GAS2: variants seen among roughly 807,000 people sequenced by gnomAD.
GAS2 encodes growth arrest-specific protein 2.
A neutral mutation model predicts 37.5 loss-of-function variants in GAS2; 20 were observed. The observed-to-expected ratio is 0.53, with a 90% CI of 0.37 to 0.77. The LOEUF (loss-of-function observed/expected upper bound fraction) is 0.77, where lower values mean the gene tolerates loss of function less well. GAS2 is among the 30% of genes least tolerant of loss of function. The pLI, the probability that GAS2 is intolerant of heterozygous loss-of-function variation, is 0.00. For synonymous variants in GAS2, 144 were observed against 132.2 expected, an observed-to-expected ratio of 1.09 and a Z score of -0.61; for missense variants, 336 against 373.4, an observed-to-expected ratio of 0.90 and a Z score of 0.82.
chr11:22,809,646 C>T (rs991012241), intron 7 of GAS2, among the ~76,000 whole-genome samples: 2 of 148,736 alleles, frequency 1.3e-5, no homozygotes, highest in Admixed American at 1.3e-4. Context: ...TGCCACCATG[C>T]CCAGCTAATT....
chr11:22,745,908 A>T (rs988872285), intron 5 of GAS2, among the ~76,000 whole-genome samples: 1 of 152,096 alleles, frequency 6.6e-6, no homozygotes, highest in African/African-American at 2.4e-5. Flanking sequence ...AATGGCTGAC[A>T]CCTGTAATGC....
At chr11:22,781,687 T>C (rs1037517659) in intron 7 of GAS2, among the ~76,000 whole-genome samples, 5 of 152,170 alleles carry the variant, frequency 3.3e-5, no homozygotes, top group African/African-American at 1.2e-4. Context: ...ATAATGTGGG[T>C]AAACTCCCTG....
chr11:22,808,581 G>C (rs1485113001), intron 7 of GAS2, among the ~76,000 whole-genome samples: 1 of 152,214 alleles, frequency 6.6e-6, no homozygotes, highest in African/African-American at 2.4e-5. Context: ...TTCTGTCACT[G>C]CTTCCTAGAA....
chr11:22,678,087 A>C (rs1305111579), intron 2 of GAS2, among the ~76,000 whole-genome samples: 1 of 152,212 alleles, frequency 6.6e-6, no homozygotes, highest in Non-Finnish European at 1.5e-5. Flanking sequence ...AGATACAGTA[A>C]AGTTTGACCT....
intron 3 of GAS2, among the ~76,000 whole-genome samples, chr11:22,708,839 G>T (rs1851257502): frequency 6.6e-6 from 1 of 152,126 alleles, no homozygotes; most frequent in African/African-American, 2.4e-5. Flanking sequence ...AAACAGTGTG[G>T]ATTTTACCCA....
rs923551026 is a variant in GAS2, at chr11:22,638,333, T to C, written c.-21+12520T>C. ...TTCTCTACATTGGATCTAAGTTTTG[T>C]TGTTATTATTACAATTTTTTTTTTT... is the stretch of plus-strand genomic sequence containing the variant. On this transcript the variant is annotated intron_variant, in intron 1 of 5. Transcript: ENST00000528582. Among the ~76,000 whole-genome samples, 16 of 152,144 alleles carry C rather than the reference T, an allele frequency of 1.1e-4. No individual in the cohort carries two copies. In the South Asian group the frequency reaches 2.7e-3, roughly 26 times the overall value.
chr11:22,642,931 TCTCTTA>T (rs937078434), intron 1 of GAS2, among the ~76,000 whole-genome samples: 2 of 152,156 alleles, frequency 1.3e-5, no homozygotes, highest in South Asian at 2.1e-4. Flanking sequence ...AGCATTTTGT[TCTCTTA>T]CTCTTGAGTT....
At chr11:22,781,068 G>GA (rs1258139732) in intron 7 of GAS2, among the ~76,000 whole-genome samples, 13 of 152,238 alleles carry the variant, frequency 8.5e-5, no homozygotes, top group Non-Finnish European at 8.8e-5. Flanking sequence ...GAGAACCTGA[G>GA]AAAAAAAGCA....
At chr11:22,787,800 A>G (rs1855888927) in intron 7 of GAS2, among the ~76,000 whole-genome samples, 1 of 152,216 alleles carries the variant, frequency 6.6e-6, no homozygotes, top group Admixed American at 6.5e-5. Context: ...CTATTTTGCT[A>G]GGAGTTTCTT....
At chr11:22,634,549 G>T (rs1420592994) in intron 1 of GAS2, among the ~76,000 whole-genome samples, 2 of 152,122 alleles carry the variant, frequency 1.3e-5, no homozygotes, top group Admixed American at 6.5e-5. Context: ...CTGCAGTCTG[G>T]ATTCTTTGGT....
intron 3 of GAS2, among the ~76,000 whole-genome samples, chr11:22,699,721 C>G (rs1850732748): frequency 6.6e-6 from 1 of 152,136 alleles, no homozygotes; most frequent in South Asian, 2.1e-4. Flanking sequence ...ATAATTGTAG[C>G]TACCTCATTT....
chr11:22,766,619 G>A (rs1198653341), intron 7 of GAS2, among the ~76,000 whole-genome samples: 2 of 151,956 alleles, frequency 1.3e-5, no homozygotes, highest in Admixed American at 1.3e-4. Context: ...AAACAAAAAA[G>A]CACCCAGGAA....
chr11:22,736,689 C>A (rs562499140), intron 4 of GAS2, among the ~76,000 whole-genome samples: 2 of 152,002 alleles, frequency 1.3e-5, no homozygotes, highest in Admixed American at 1.3e-4. Flanking sequence ...TAAATTATTA[C>A]GGAATTCTGT....
At chr11:22,638,406 C>T (rs1565061419) in intron 1 of GAS2, among the ~76,000 whole-genome samples, 2 of 150,404 alleles carry the variant, frequency 1.3e-5, no homozygotes, top group East Asian at 3.9e-4. Context: ...AGTGCAGTGG[C>T]GTGATCTCGG....
At chr11:22,628,205 A>T (rs1485209749) in intron 1 of GAS2, among the ~76,000 whole-genome samples, 2 of 152,222 alleles carry the variant, frequency 1.3e-5, no homozygotes, top group Non-Finnish European at 2.9e-5. Flanking sequence ...AGGGATACAA[A>T]AACTTAATTA....
At chr11:22,727,586 C>A (rs1012282534) in intron 4 of GAS2, among the ~76,000 whole-genome samples, 8 of 151,866 alleles carry the variant, frequency 5.3e-5, no homozygotes, top group Admixed American at 1.3e-4. Flanking sequence ...ATGGGAACAG[C>A]ATAAATTTAG....
At chr11:22,776,031 G>A (rs1211402868) in intron 7 of GAS2, among the ~76,000 whole-genome samples, 1 of 152,198 alleles carries the variant, frequency 6.6e-6, no homozygotes, top group Non-Finnish European at 1.5e-5. Context: ...ATTGATTCCA[G>A]ATGTACGGCT....
At chr11:22,645,866 G>A (rs1196253647) in intron 1 of GAS2, among the ~76,000 whole-genome samples, 1 of 146,396 alleles carries the variant, frequency 6.8e-6, no homozygotes, top group Admixed American at 6.8e-5. Flanking sequence ...TTTTTGAGAC[G>A]GAGTTTTGCT....
chr11:22,747,652 TA>T (rs548113603), intron 5 of GAS2, among the ~76,000 whole-genome samples: 215 of 152,186 alleles, frequency 1.4e-3, no homozygotes, highest in Middle Eastern at 3.4e-3. Context: ...TTGGTGTCTT[TA>T]ACAGAGCTCC....
Sources: gnomAD v4.1 joint callset for allele counts (sites outside exome capture counted in the v4.1 genomes callset) on GRCh38, gnomAD v4.1.1 for gene constraint, MANE v1.5 for transcripts, NCBI Gene and HGNC (gene_info 2026-07-23, HGNC 2026-07-21) for gene names.